The following ZFHX4 variants were observed in gnomAD, a reference collection of about 807,000 sequenced individuals.
ZFHX4 encodes the protein zinc finger homeobox 4.
A neutral mutation model predicts 267.6 loss-of-function variants in ZFHX4; 56 were observed. The observed-to-expected ratio is 0.21, with a 90% CI of 0.17 to 0.26. The LOEUF (loss-of-function observed/expected upper bound fraction) is 0.26, where lower values mean the gene tolerates loss of function less well. Among genes scored for constraint, ZFHX4 ranks in the 10% least tolerant of loss-of-function variants. The pLI is 1.00. For missense variants in ZFHX4, 4,332 were observed against 4,420.0 expected (o/e 0.98, Z 0.56); for synonymous variants, 1,778 against 1,665.6 (o/e 1.07, Z -1.64).
intron 3 of ZFHX4, among the ~76,000 whole-genome samples, chr8:76,770,855 T>A (rs1463235913): frequency 6.6e-6 from 1 of 152,098 alleles, no homozygotes; most frequent in African/African-American, 2.4e-5. Flanking sequence ...ACTTGGAAGA[T>A]CTAAAATCAG....
At chr8:76,731,856 CATTATTATTATTATT>C (rs76950838) in intron 3 of ZFHX4, among the ~76,000 whole-genome samples, 4 of 143,828 alleles carry the variant, frequency 2.8e-5, no homozygotes, top group South Asian at 2.2e-4. Context: ...TGGTGCCACA[CATTATTATTATTATT>C]ATTATTATTA....
rs1239279832 is a variant in ZFHX4, at chr8:76,726,201, C to CT, written c.3093+18161dup. Among the ~76,000 whole-genome samples the CT allele has an allele frequency of 2.4e-4, 37 of 151,702 alleles. 1 individual carries two copies. The highest frequency in any genetic ancestry group is 1.8e-3 in the Admixed American group (28 of 15,218). On this transcript the variant is annotated intron_variant, in intron 3 of 10. Transcript: ENST00000651372. ...GACAACAAAAATCAAAAGAGCCTATCTTTTTTTTCAAATAAAATGATTTTA... is the reference window on the plus strand; with the variant it reads ...GACAACAAAAATCAAAAGAGCCTATCTTTTTTTTTCAAATAAAATGATTTTA...
chr8:76,703,733 T>C lies in ZFHX4; in HGVS notation c.-46-310T>C, dbSNP rs371195989. On this transcript the variant is annotated intron_variant, in intron 1 of 10. Coordinates refer to ENST00000651372, the MANE Select transcript of ZFHX4 (RefSeq NM_024721.5). ...GGGGTTTTAGAGTGGTCACGTATAT[T>C]GTGTATTTTTTTGGAAAACAGGAAT... 1.3e-5 allele frequency: 3 copies of C among 226,442 alleles called. No individual in the cohort carries two copies. In the South Asian group the frequency reaches 2.6e-4, roughly 19 times the overall value. 14.0% of individuals were successfully genotyped at this position (226,442 alleles called of 1,614,324 possible). A position where few individuals can be genotyped will look rare whatever the true frequency, so the allele number is the denominator to read the frequency against.
At chr8:76,784,431 C>G (rs1045288594) in intron 4 of ZFHX4, among the ~76,000 whole-genome samples, 3 of 151,712 alleles carry the variant, frequency 2.0e-5, no homozygotes, top group African/African-American at 7.3e-5. Context: ...ATTTTTTTAC[C>G]TTGATACAGA....
intron 2 of ZFHX4, among the ~76,000 whole-genome samples, chr8:76,706,922 C>T (rs1005402704): frequency 1.3e-5 from 2 of 152,196 alleles, no homozygotes; most frequent in East Asian, 1.9e-4. Context: ...TGTCTTCATT[C>T]AGTAAGTTGA....
At chr8:76,748,483 A>G (rs1809521033) in intron 3 of ZFHX4, among the ~76,000 whole-genome samples, 1 of 152,214 alleles carries the variant, frequency 6.6e-6, no homozygotes, top group African/African-American at 2.4e-5. Flanking sequence ...TCCTCAGGCC[A>G]GAGTGCAGTG....
chr8:76,860,494 C>T (rs1438758089), intron 10 of ZFHX4, among the ~76,000 whole-genome samples: 1 of 152,026 alleles, frequency 6.6e-6, no homozygotes. Context: ...TTTTTCATGT[C>T]TCCATTCCTT....
At chr8:76,825,256 T>C (rs1811754802) in intron 4 of ZFHX4, among the ~76,000 whole-genome samples, 1 of 152,242 alleles carries the variant, frequency 6.6e-6, no homozygotes, top group African/African-American at 2.4e-5. Context: ...TTGTATTTAT[T>C]AACTTTGCTC....
intron 3 of ZFHX4, among the ~76,000 whole-genome samples, chr8:76,715,307 C>A (rs960060544): frequency 1.3e-5 from 2 of 151,476 alleles, no homozygotes; most frequent in Non-Finnish European, 2.9e-5. Context: ...CCTGGTGAAA[C>A]CCTGACTCTA....
chr8:76,794,982 C>T (rs1810939234), intron 4 of ZFHX4, among the ~76,000 whole-genome samples: 1 of 151,710 alleles, frequency 6.6e-6, no homozygotes, highest in African/African-American at 2.4e-5. Flanking sequence ...GTCTCTGGGC[C>T]AGCTGTCAGC....
chr8:76,751,750 G>C (rs1809619134), intron 3 of ZFHX4, among the ~76,000 whole-genome samples: 1 of 152,076 alleles, frequency 6.6e-6, no homozygotes, highest in Non-Finnish European at 1.5e-5. Context: ...CATCATTCTG[G>C]TTAGAATATT....
intron 7 of ZFHX4, 142 bp from the exon 8 acceptor site, chr8:76,849,370 G>A: frequency 1.2e-6 from 1 of 863,824 alleles, no homozygotes; most frequent in Non-Finnish European, 1.8e-6. Flanking sequence ...TGAGGTGATG[G>A]ATATCCCATT....
chr8:76,851,306 C>T lies in ZFHX4; in HGVS notation c.4385C>T (p.Ser1462Phe). 1 of 1,613,760 alleles carries T rather than the reference C, an allele frequency of 6.2e-7. No individual in the cohort carries two copies. The highest frequency in any genetic ancestry group is 8.5e-7 in the Non-Finnish European group (1 of 1,179,804). The change falls in exon 10 of 11, where the codon TCC becomes TTC. Residue 1462 changes from serine (S) to phenylalanine (F), a missense_variant. By Grantham distance (155) the Ser-to-Phe change is radical. Transcript: ENST00000651372. ...GCTGAACTTCAACAGCTATATGCCTCCTTGCCCGTGAATGGAGAACTGTGG... is the reference window on the plus strand; with the variant it reads ...GCTGAACTTCAACAGCTATATGCCTTCTTGCCCGTGAATGGAGAACTGTGG... ...SEAELQQLYA[S>F]LPVNGELWAE...
intron 3 of ZFHX4, among the ~76,000 whole-genome samples, chr8:76,720,675 T>C (rs534805121): frequency 6.6e-6 from 1 of 152,312 alleles, no homozygotes; most frequent in Admixed American, 6.5e-5. Flanking sequence ...CAATGTCTCT[T>C]ATCCATCTTC....
intron 3 of ZFHX4, among the ~76,000 whole-genome samples, chr8:76,768,395 C>G (rs1810144954): frequency 6.6e-6 from 1 of 152,082 alleles, no homozygotes; most frequent in Non-Finnish European, 1.5e-5. Context: ...ATGCCAAGTG[C>G]TCACTTTGTG....
chr8:76,754,549 G>GT (rs1464844398), intron 3 of ZFHX4, among the ~76,000 whole-genome samples: 1 of 151,550 alleles, frequency 6.6e-6, no homozygotes, highest in African/African-American at 2.4e-5. Flanking sequence ...GTTTTGTTTT[G>GT]TTTTTCCTTT....
At chr8:76,722,849 C>T (rs984433404) in intron 3 of ZFHX4, among the ~76,000 whole-genome samples, 8 of 151,878 alleles carry the variant, frequency 5.3e-5, no homozygotes, top group African/African-American at 1.4e-4. Flanking sequence ...ATTGGTAAGG[C>T]ACTTTATTTT....
chr8:76,743,638 A>T (rs1355797064), intron 3 of ZFHX4, among the ~76,000 whole-genome samples: 1 of 152,158 alleles, frequency 6.6e-6, no homozygotes, highest in Non-Finnish European at 1.5e-5. Context: ...ACATTTTACT[A>T]AGTAGAGTTG....
rs1193650392 is a variant in ZFHX4, at chr8:76,707,942, C to T, written c.2987C>T (p.Pro996Leu). ...WRLKCIAIGN[P>L]VHLKCNACDY... ...TTGAAGTGTATTGCCATTGGCAACC[C>T]TGTTCACCTAAAATGTAACGCCTGT... The change falls in exon 3 of 11, where the codon CCT becomes CTT. Residue 996 changes from proline to leucine, a missense_variant. Physicochemically the swap from Pro to Leu is moderately conservative, Grantham distance 98 (BLOSUM62 -3). Coordinates refer to ENST00000651372, the MANE Select transcript of ZFHX4 (RefSeq NM_024721.5). The T allele has an allele frequency of 5.6e-6, 9 of 1,613,914 alleles. No homozygotes were observed. The highest frequency in any genetic ancestry group is 1.3e-5 in the African/African-American group (1 of 74,920).
Sources: gnomAD v4.1 joint callset for allele counts (sites outside exome capture counted in the v4.1 genomes callset) on GRCh38, gnomAD v4.1.1 for gene constraint, MANE v1.5 for transcripts, NCBI Gene and HGNC (gene_info 2026-07-23, HGNC 2026-07-21) for gene names.